The following TDRD1 variants were observed in gnomAD, a reference collection of about 807,000 sequenced individuals.
TDRD1 encodes the protein tudor domain-containing protein 1.
TDRD1 carries 37 observed loss-of-function variants against 140.6 expected under a neutral mutation model. The ratio of observed to expected loss-of-function variants is 0.26; its 90% CI spans 0.20 to 0.35. The LOEUF is 0.35. TDRD1 is among the 10% of genes least tolerant of loss of function. The probability of loss-of-function intolerance (pLI) is 1.00; values close to 1 mark genes in which losing one functional copy is unlikely to be tolerated. For synonymous variants in TDRD1, 506 were observed against 475.7 expected, an observed-to-expected ratio of 1.06 and a Z score of -0.83; for missense variants, 1,243 against 1,393.0, an observed-to-expected ratio of 0.89 and a Z score of 1.71.
At chr10:114,203,464 A>G (rs1343412554) in exon 8 of TDRD1, 1 of 1,614,072 alleles carries the variant, frequency 6.2e-7, no homozygotes, top group South Asian at 1.1e-5. Context: ...GAATACATGA[A>G]CCAACTCTCT....
chr10:114,184,335 T>C (rs1157872935), intron 1 of TDRD1, among the ~76,000 whole-genome samples: 1 of 152,262 alleles, frequency 6.6e-6, no homozygotes, highest in Admixed American at 6.5e-5. Flanking sequence ...TGTCTCTGCA[T>C]AGGCAAACCA....
chr10:114,225,557 T>TAAA (rs2036386444), intron 21 of TDRD1, among the ~76,000 whole-genome samples: 2 of 113,172 alleles, frequency 1.8e-5, no homozygotes, highest in Admixed American at 1.8e-4. Flanking sequence ...TTCTACGCAT[T>TAAA]TAAAAAAAAA....
chr10:114,230,346 GAATA>G lies in TDRD1; in HGVS notation c.3539-1135_3539-1132del, dbSNP rs144820536. ...TGAACTGGATTTTTCCTGACTGTGGGAATAAATAGATATTTTATTTACATTTGAA... is the reference window on the plus strand; with the variant it reads ...TGAACTGGATTTTTCCTGACTGTGGGAATAGATATTTTATTTACATTTGAA... On this transcript the variant is annotated intron_variant, in intron 25 of 25. Coordinates refer to ENST00000251864, the Ensembl canonical transcript of TDRD1. 3.5e-3 allele frequency among the ~76,000 whole-genome samples: 526 copies of G among 152,302 alleles called. 6 individuals carry two copies. Among genetic ancestry groups the G allele is most frequent in the African/African-American group, 0.012 (508 of 41,572 alleles).
chr10:114,203,706 G>C, intron 8 of TDRD1, 139 bp downstream of exon 8: 1 of 769,648 alleles, frequency 1.3e-6, no homozygotes, highest in Non-Finnish European at 2.0e-6. Context: ...TCAGTATCCC[G>C]TGCTCTGTTC....
rs201590552 is a variant in TDRD1 at position 114,229,803 on chromosome 10, C to CTA, written c.3539-1669_3539-1668dup. Among the ~76,000 whole-genome samples, 415 of 144,374 alleles carry CTA rather than the reference C, an allele frequency of 2.9e-3. 1 individual carries two copies. Among genetic ancestry groups the CTA allele is most frequent in the African/African-American group, 9.6e-3 (373 of 38,678 alleles). The allele number at this position is 144,374 out of a possible 152,430, so 94.7% of individuals were successfully genotyped here. On this transcript the variant is annotated intron_variant, in intron 25 of 25. Transcript: ENST00000251864. ...GGAATTTAGTCCTAGTATCAAGTCA[C>CTA]TATATATATATATATTTTTTTTTTA...
chr10:114,225,394 G>T (rs2036376306), intron 21 of TDRD1, among the ~76,000 whole-genome samples: 1 of 152,100 alleles, frequency 6.6e-6, no homozygotes, highest in Non-Finnish European at 1.5e-5. Flanking sequence ...AGACTTCAGG[G>T]GTTGGGGATT....
chr10:114,182,384 TTC>T (rs2033141751), intron 1 of TDRD1, among the ~76,000 whole-genome samples: 1 of 152,250 alleles, frequency 6.6e-6, no homozygotes, highest in African/African-American at 2.4e-5. Context: ...CCTTCAAACA[TTC>T]TCCAAATAGG....
intron 8 of TDRD1, 56 bp from the exon 9 acceptor site, chr10:114,204,017 A>G: frequency 6.4e-7 from 1 of 1,567,370 alleles, no homozygotes; most frequent in Non-Finnish European, 8.6e-7. Flanking sequence ...GGGTTTTTTA[A>G]TCTAAGATTG....
intron 16 of TDRD1, 46 bp from the exon 17 acceptor site, chr10:114,217,499 A>AT (rs757758334): frequency 1.4e-5 from 15 of 1,085,198 alleles, no homozygotes; most frequent in Non-Finnish European, 2.0e-5. Flanking sequence ...TGTGTTGTTT[A>AT]TTTTTTAATA....
Position 114,227,789 on chromosome 10 carries a change from C to T in TDRD1, c.3404-121C>T, listed in dbSNP as rs1261836186. 9.6e-6 allele frequency: 7 copies of T among 729,824 alleles called. No individual in the cohort carries two copies. The East Asian group carries it at 1.8e-4, about 18-fold the overall frequency. The allele number at this position is 729,824 out of a possible 1,614,324, so 45.2% of individuals were successfully genotyped here. A position where few individuals can be genotyped will look rare whatever the true frequency, so the allele number is the denominator to read the frequency against. On this transcript the variant is annotated intron_variant, in intron 23 of 25. Coordinates refer to ENST00000251864, the Ensembl canonical transcript of TDRD1. ...ATCTCAAAGCCCAAATGGATCCATC[C>T]AGGTCTTTGTAGTCGGAACCCATGC...
At chr10:114,220,482 T>C (rs1436107364) in intron 18 of TDRD1, 86 bp from the exon 19 acceptor site, 2 of 891,374 alleles carry the variant, frequency 2.2e-6, no homozygotes, top group Non-Finnish European at 3.5e-6. Flanking sequence ...GAAAGTAAAC[T>C]TGGCAAAGAC....
upstream of TDRD1, among the ~76,000 whole-genome samples, chr10:114,176,289 G>GA (rs1649553365): frequency 2.0e-5 from 3 of 146,836 alleles, no homozygotes; most frequent in South Asian, 2.2e-4. This position sits in a 1 kb window ranked among gnomAD's most constrained non-coding sequence, Gnocchi z 4.2. Context: ...AAAATTGAAT[G>GA]GAAAAAAAAA....
chr10:114,200,581 T>G, intron 4 of TDRD1, among the ~76,000 whole-genome samples: 1 of 152,208 alleles, frequency 6.6e-6, no homozygotes, highest in East Asian at 1.9e-4. Context: ...TTTTGTTTAC[T>G]TTGCTTGATC....
chr10:114,211,359 T>C (rs537342265), intron 13 of TDRD1, among the ~76,000 whole-genome samples: 2 of 152,318 alleles, frequency 1.3e-5, no homozygotes, highest in South Asian at 4.1e-4. Context: ...GGAGCTGTCA[T>C]GGTGCAGCTT....
In TDRD1 at chr10:114,212,341, T is replaced by C. The variant is rs1405865695; in HGVS notation, c.1831+305T>C. On this transcript the variant is annotated intron_variant, in intron 14 of 25. Transcript: ENST00000251864. ...AGATATAGTTATATCCCAAAATACT[T>C]CCTTAGGCTACATTCCCACAGGTGG... Among the ~76,000 whole-genome samples, 3 of 152,184 alleles carry C rather than the reference T, an allele frequency of 2.0e-5. No individual in the cohort carries two copies. In the East Asian group the frequency reaches 5.8e-4, roughly 29 times the overall value.
chr10:114,213,398 A>G (rs201061671), exon 15 of TDRD1: 2 of 1,614,038 alleles, frequency 1.2e-6, no homozygotes, highest in South Asian at 2.2e-5. Flanking sequence ...GTCTCATGAA[A>G]AAACTTGTAC....
chr10:114,186,025 AACTAAG>A (rs2033493095), intron 1 of TDRD1, among the ~76,000 whole-genome samples: 1 of 152,294 alleles, frequency 6.6e-6, no homozygotes, highest in Non-Finnish European at 1.5e-5. Context: ...AGTTTTATCT[AACTAAG>A]ACTAACTCAT....
At chr10:114,216,556 G>A (rs1052238204) in intron 16 of TDRD1, among the ~76,000 whole-genome samples, 1 of 152,194 alleles carries the variant, frequency 6.6e-6, no homozygotes, top group East Asian at 1.9e-4. Flanking sequence ...ACTACTAAGT[G>A]TGGATAAATA....
chr10:114,191,990 ATG>A (rs2033997098), intron 3 of TDRD1, among the ~76,000 whole-genome samples: 3 of 151,358 alleles, frequency 2.0e-5, no homozygotes, highest in Admixed American at 2.0e-4. Context: ...ACATCTTTTC[ATG>A]TGCTTATTTG....
Sources: gnomAD v4.1 joint callset for allele counts (sites outside exome capture counted in the v4.1 genomes callset) on GRCh38, gnomAD v4.1.1 for gene constraint, Gnocchi (gnomAD v3.1) non-coding constraint, MANE v1.5 for transcripts, NCBI Gene and HGNC (gene_info 2026-07-23, HGNC 2026-07-21) for gene names.